Variants in CNTNAP2 observed in about 807,000 individuals in gnomAD.
The protein encoded by CNTNAP2 is contactin associated protein 2.
A neutral mutation model predicts 155.2 loss-of-function variants in CNTNAP2; 98 were observed. The ratio of observed to expected loss-of-function variants is 0.63; its 90% CI spans 0.54 to 0.75. The LOEUF (loss-of-function observed/expected upper bound fraction) is 0.75. Among genes scored for constraint, CNTNAP2 ranks in the 30% least tolerant of loss-of-function variants. The pLI is 0.00. For missense variants in CNTNAP2, 1,727 were observed against 1,688.1 expected (o/e 1.02, Z -0.40); for synonymous variants, 651 against 631.2 (o/e 1.03, Z -0.47).
intron 1 of CNTNAP2, among the ~76,000 whole-genome samples, chr7:146,731,197 T>G (rs1410290130): frequency 6.6e-6 from 1 of 152,048 alleles, no homozygotes; most frequent in Non-Finnish European, 1.5e-5. Flanking sequence ...GAGTGCCTCA[T>G]GATATCTAAG....
chr7:147,070,561 A>T (rs1015638959), intron 4 of CNTNAP2, among the ~76,000 whole-genome samples: 2 of 152,196 alleles, frequency 1.3e-5, no homozygotes, highest in African/African-American at 4.8e-5. Context: ...TCCAGAGATT[A>T]CCCAATGCTA....
At chr7:146,671,631 C>CA (rs1005513567) in intron 1 of CNTNAP2, among the ~76,000 whole-genome samples, 2 of 151,970 alleles carry the variant, frequency 1.3e-5, no homozygotes, top group African/African-American at 4.8e-5. Flanking sequence ...ATTGTGAACT[C>CA]AAAAATTTTG....
intron 21 of CNTNAP2, among the ~76,000 whole-genome samples, chr7:148,359,777 G>A (rs924410984): frequency 8.5e-5 from 13 of 152,216 alleles, no homozygotes; most frequent in East Asian, 3.9e-4. Context: ...CACTAGCTGC[G>A]GAGAAAATAT....
intron 1 of CNTNAP2, among the ~76,000 whole-genome samples, chr7:146,310,612 C>T (rs190941638): frequency 2.0e-5 from 3 of 151,958 alleles, no homozygotes; most frequent in East Asian, 3.9e-4. Flanking sequence ...TGATATAACA[C>T]TAAGATTAAT....
At chr7:148,022,468 C>CA (rs745936599) in intron 15 of CNTNAP2, among the ~76,000 whole-genome samples, 4,633 of 90,896 alleles carry the variant, frequency 0.051, 160 homozygotes, top group African/African-American at 0.14. Flanking sequence ...GACTCCGTCT[C>CA]AAAAAAAAAA....
chr7:147,036,212 G>A (rs1240033313), intron 3 of CNTNAP2, among the ~76,000 whole-genome samples: 1 of 152,168 alleles, frequency 6.6e-6, no homozygotes, highest in African/African-American at 2.4e-5. Context: ...ATGGGACAGA[G>A]GAGCATGTGA....
At position 148,415,589 on chromosome 7, in the gene CNTNAP2, T is replaced by G. The variant is rs147968599; in HGVS notation, c.3969T>G (p.Asp1323Glu). The G allele has an allele frequency of 5.0e-6, 8 of 1,613,952 alleles. No individual in the cohort carries two copies. The African/African-American group carries it at 1.1e-4, about 22-fold the overall frequency. The change falls in exon 24 of 24, where the codon GAT (aspartate) becomes GAG (glutamate). Residue 1323 changes from aspartate to glutamate, a missense_variant. By Grantham distance (45) the Asp-to-Glu change is conservative (BLOSUM62 2). Coordinates refer to ENST00000361727, the MANE Select transcript of CNTNAP2 (RefSeq NM_014141.6). ...ACCCCAACTTCACAGAGACCATTGA[T>G]GAAAGCAAAAAGGAATGGCTCATTT... ...NNDPNFTETI[D>E]ESKKEWLI
At chr7:147,445,160 A>T (rs372743383) in intron 10 of CNTNAP2, among the ~76,000 whole-genome samples, 86 of 152,316 alleles carry the variant, frequency 5.6e-4, no homozygotes, top group African/African-American at 2.0e-3. Context: ...GTCAAACCAT[A>T]TCAGATGACT....
intron 3 of CNTNAP2, among the ~76,000 whole-genome samples, chr7:147,010,168 C>A (rs1289561449): frequency 6.6e-6 from 1 of 151,912 alleles, no homozygotes; most frequent in Non-Finnish European, 1.5e-5. Flanking sequence ...CGCAACCACG[C>A]CAAGCTGATT....
At chr7:147,015,753 G>A (rs982178967) in intron 3 of CNTNAP2, among the ~76,000 whole-genome samples, 4 of 151,896 alleles carry the variant, frequency 2.6e-5, no homozygotes, top group Non-Finnish European at 4.4e-5. Flanking sequence ...TTAAAAGAGA[G>A]GCCTCAGATA....
At chr7:147,705,715 T>G (rs1355332189) in intron 13 of CNTNAP2, among the ~76,000 whole-genome samples, 1 of 152,224 alleles carries the variant, frequency 6.6e-6, no homozygotes, top group Non-Finnish European at 1.5e-5. Flanking sequence ...AATATTTACT[T>G]TCTATATCCA....
chr7:146,313,403 T>C (rs1019748303), intron 1 of CNTNAP2, among the ~76,000 whole-genome samples: 2 of 152,166 alleles, frequency 1.3e-5, no homozygotes, highest in African/African-American at 4.8e-5. Flanking sequence ...TATAATTGGG[T>C]TGTTTTCTTG....
chr7:146,928,395 G>T (rs1796656241), intron 3 of CNTNAP2, among the ~76,000 whole-genome samples: 1 of 152,154 alleles, frequency 6.6e-6, no homozygotes, highest in South Asian at 2.1e-4. Context: ...GTCGTTCTGG[G>T]TGATGTGTTC....
At chr7:146,328,959 A>T (rs1183495083) in intron 1 of CNTNAP2, among the ~76,000 whole-genome samples, 1 of 152,188 alleles carries the variant, frequency 6.6e-6, no homozygotes, top group Admixed American at 6.5e-5. Context: ...TTGTTTATGT[A>T]TTTGGCTATC....
intron 10 of CNTNAP2, among the ~76,000 whole-genome samples, chr7:147,438,996 C>A (rs1017593686): frequency 6.6e-6 from 1 of 151,944 alleles, no homozygotes; most frequent in Non-Finnish European, 1.5e-5. Flanking sequence ...TGTAGTCTGG[C>A]TAAAAGTTTG....
chr7:147,700,605 T>C (rs958206598), intron 13 of CNTNAP2, among the ~76,000 whole-genome samples: 4 of 152,094 alleles, frequency 2.6e-5, no homozygotes, highest in Admixed American at 2.6e-4. Context: ...ATTGAAGAAA[T>C]ATCAGAAGGA....
intron 2 of CNTNAP2, among the ~76,000 whole-genome samples, chr7:146,781,241 CAAAA>C (rs769078111): frequency 1.7e-5 from 2 of 116,484 alleles, no homozygotes; most frequent in East Asian, 2.7e-4. Context: ...AAAAAAAAAA[CAAAA>C]AAAAAACACC....
chr7:147,601,318 T>C (rs1800938619), intron 12 of CNTNAP2, among the ~76,000 whole-genome samples: 2 of 149,578 alleles, frequency 1.3e-5, no homozygotes, highest in African/African-American at 5.0e-5. Context: ...GGAGATGGGG[T>C]GGGGCCGTTT....
intron 1 of CNTNAP2, among the ~76,000 whole-genome samples, chr7:146,560,581 C>T (rs564479207): frequency 3.9e-5 from 6 of 152,208 alleles, no homozygotes; most frequent in African/African-American, 1.4e-4. Flanking sequence ...CCTACTCTAG[C>T]TGATCATCCC....
Sources: gnomAD v4.1 joint callset for allele counts (sites outside exome capture counted in the v4.1 genomes callset) on GRCh38, gnomAD v4.1.1 for gene constraint, MANE v1.5 for transcripts, NCBI Gene and HGNC (gene_info 2026-07-23, HGNC 2026-07-21) for gene names.